Variants in GRID2 observed in about 807,000 individuals in gnomAD.
The protein encoded by GRID2 is glutamate receptor ionotropic, delta-2.
In GRID2, 33 loss-of-function variants were observed where a neutral mutation model predicts 114.8. The ratio of observed to expected loss-of-function variants is 0.29; its 90% CI spans 0.22 to 0.38. The LOEUF is 0.38. GRID2 is among the 10% of genes least tolerant of loss of function. GRID2 has a pLI of 1.00. For synonymous variants in GRID2, 505 were observed against 449.9 expected, an observed-to-expected ratio of 1.12 and a Z score of -1.55; for missense variants, 1,184 against 1,257.7, an observed-to-expected ratio of 0.94 and a Z score of 0.89.
chr4:93,511,428 A>G (rs1401799142), intron 12 of GRID2, among the ~76,000 whole-genome samples: 2 of 152,192 alleles, frequency 1.3e-5, no homozygotes, highest in Non-Finnish European at 2.9e-5. Context: ...ATTGTTCAGT[A>G]CCCACAGGTT....
intron 1 of GRID2, among the ~76,000 whole-genome samples, chr4:93,800,627 GT>G (rs1233338455): frequency 7.9e-5 from 12 of 152,194 alleles, no homozygotes; most frequent in African/African-American, 2.6e-4. Flanking sequence ...TTATCAAAAA[GT>G]TTTTATGTTT....
chr4:92,752,911 AGT>A (rs1737523118), intron 2 of GRID2, among the ~76,000 whole-genome samples: 1 of 152,202 alleles, frequency 6.6e-6, no homozygotes, highest in South Asian at 2.1e-4. Context: ...CAAAGGCAAC[AGT>A]GTGTGTTTCA....
chr4:93,712,673 A>G (rs1231127867), intron 14 of GRID2, among the ~76,000 whole-genome samples: 1 of 152,168 alleles, frequency 6.6e-6, no homozygotes, highest in Non-Finnish European at 1.5e-5. Flanking sequence ...ATGCCTGTGA[A>G]AGTATTCAAC....
intron 1 of GRID2, among the ~76,000 whole-genome samples, chr4:92,425,920 T>C (rs575314850): frequency 6.6e-6 from 1 of 152,238 alleles, no homozygotes; most frequent in Non-Finnish European, 1.5e-5. Context: ...ATTTGTATTT[T>C]TTAATCAGGA....
chr4:92,530,622 C>T (rs1490186299), intron 1 of GRID2, among the ~76,000 whole-genome samples: 1 of 150,806 alleles, frequency 6.6e-6, no homozygotes, highest in Non-Finnish European at 1.5e-5. Flanking sequence ...CCTTAAATGG[C>T]TGGGCATGGT....
At chr4:93,505,275 G>A (rs899941552) in intron 12 of GRID2, among the ~76,000 whole-genome samples, 1 of 151,958 alleles carries the variant, frequency 6.6e-6, no homozygotes. Flanking sequence ...AGTCCTTCCT[G>A]AATTTTCAAG....
At chr4:93,203,960 T>G (rs1260045771) in intron 4 of GRID2, 1 of 152,140 alleles carries the variant, frequency 6.6e-6, no homozygotes. Flanking sequence ...CATGGCCTTG[T>G]AATACCCTGC....
chr4:92,745,414 A>T (rs1196857218), intron 2 of GRID2, among the ~76,000 whole-genome samples: 1 of 152,198 alleles, frequency 6.6e-6, no homozygotes. Flanking sequence ...TTCTTTGCCT[A>T]GGCATATTGT....
chr4:93,603,877 G>C (rs1483360118), intron 13 of GRID2, among the ~76,000 whole-genome samples: 1 of 152,022 alleles, frequency 6.6e-6, no homozygotes, highest in Non-Finnish European at 1.5e-5. Context: ...CCACTGTTGA[G>C]ATCTACTGCT....
intron 1 of GRID2, among the ~76,000 whole-genome samples, chr4:92,491,677 T>C (rs1723154182): frequency 6.6e-6 from 1 of 151,962 alleles, no homozygotes; most frequent in Non-Finnish European, 1.5e-5. Flanking sequence ...AATAGCTGTT[T>C]CCTTATTGGG....
intron 2 of GRID2, among the ~76,000 whole-genome samples, chr4:92,651,414 G>A (rs771842773): frequency 1.3e-5 from 2 of 152,088 alleles, no homozygotes; most frequent in African/African-American, 2.4e-5. Context: ...CCCTGCCTCC[G>A]TGGCCACTTT....
intron 10 of GRID2, among the ~76,000 whole-genome samples, chr4:93,453,359 A>AGAGAGAGAGAGAGAGAGAGAGT (rs1284889245): frequency 8.2e-6 from 1 of 121,320 alleles, no homozygotes; most frequent in Admixed American, 8.0e-5. Context: ...AGAGAGAGAG[A>AGAGAGAGAGAGAGAGAGAGAGT]GTGTGTGTAT....
At chr4:92,443,744 G>T (rs1032933977) in intron 1 of GRID2, among the ~76,000 whole-genome samples, 6 of 152,306 alleles carry the variant, frequency 3.9e-5, no homozygotes, top group African/African-American at 1.4e-4. Flanking sequence ...CCCTTCCCCA[G>T]AAAAGCAGGA....
intron 11 of GRID2, among the ~76,000 whole-genome samples, chr4:93,457,933 T>C (rs1723362308): frequency 7.0e-6 from 1 of 143,860 alleles, no homozygotes; most frequent in Admixed American, 6.9e-5. Flanking sequence ...GTTTGATATA[T>C]TTGTCAGATG....
intron 14 of GRID2, among the ~76,000 whole-genome samples, chr4:93,756,272 A>G (rs1265463307): frequency 6.6e-6 from 1 of 152,212 alleles, no homozygotes; most frequent in Admixed American, 6.5e-5. Context: ...GAAAAGTGCT[A>G]AAAGGGAAAG....
intron 1 of GRID2, among the ~76,000 whole-genome samples, chr4:92,443,659 G>T (rs1733259715): frequency 6.6e-6 from 1 of 152,054 alleles, no homozygotes; most frequent in East Asian, 1.9e-4. Context: ...AGGAGAAGGG[G>T]TTGGAGTACT....
chr4:92,477,829 ATT>A (rs1407014638), intron 1 of GRID2, among the ~76,000 whole-genome samples: 1 of 147,292 alleles, frequency 6.8e-6, no homozygotes, highest in African/African-American at 2.5e-5. Context: ...AATAATATAT[ATT>A]TTAATATATA....
chr4:93,219,201 T>A (rs1290040466), intron 6 of GRID2, among the ~76,000 whole-genome samples: 1 of 152,220 alleles, frequency 6.6e-6, no homozygotes, highest in African/African-American at 2.4e-5. Flanking sequence ...TTAAAAGTTG[T>A]GTTTGTTAAA....
At chr4:92,908,561 C>CAAAAAAAAAAAAAAAAAAA (rs762037449) in intron 2 of GRID2, among the ~76,000 whole-genome samples, 3 of 35,972 alleles carry the variant, frequency 8.3e-5, no homozygotes, top group African/African-American at 2.7e-4. Context: ...GACTCCATCT[C>CAAAAAAAAAAAAAAAAAAA]AAAAAAAAAA....
Sources: allele counts gnomAD v4.1 joint callset (sites outside exome capture counted in the v4.1 genomes callset), GRCh38; gene constraint gnomAD v4.1.1; transcripts MANE v1.5; gene names NCBI Gene and HGNC (gene_info 2026-07-23, HGNC 2026-07-21).